The following PIEZO1 variants were observed in gnomAD, a reference collection of about 807,000 sequenced individuals.
The protein encoded by PIEZO1 is piezo type mechanosensitive ion channel component 1 (Er blood group).
A neutral mutation model predicts 297.2 loss-of-function variants in PIEZO1; 296 were observed. The observed-to-expected ratio is 1.00, with a 90% CI of 0.91 to 1.10. The LOEUF is 1.10. PIEZO1 is among the 50% of genes least tolerant of loss of function. PIEZO1 has a pLI of 0.00. For missense variants in PIEZO1, 5,018 were observed against 3,455.5 expected (o/e 1.45, Z -11.34); for synonymous variants, 2,427 against 1,507.5 (o/e 1.61, Z -14.13).
Position 88,737,457 on chromosome 16 carries a change from G to A in PIEZO1, c.1195+102C>T. 9.1e-6 allele frequency: 7 copies of A among 769,644 alleles called. 1 individual carries two copies. In the South Asian group the frequency reaches 1.1e-4, roughly 12 times the overall value. 47.7% of individuals were successfully genotyped at this position (769,644 alleles called of 1,614,324 possible). On this transcript the variant is annotated intron_variant, in intron 10 of 50. Coordinates refer to ENST00000301015, the MANE Select transcript of PIEZO1 (RefSeq NM_001142864.4). Reference sequence around the variant, plus strand: ...CCCCGAGGGGGCGGCAGGCAGAGGTGCGGCGCGAGCATGCGAGAGCGCCAG... The same window carrying A: ...CCCCGAGGGGGCGGCAGGCAGAGGTACGGCGCGAGCATGCGAGAGCGCCAG...
At chr16:88,758,703 T>A (rs576818111) in intron 1 of PIEZO1, among the ~76,000 whole-genome samples, 15 of 152,344 alleles carry the variant, frequency 9.8e-5, no homozygotes, top group Non-Finnish European at 1.6e-4. Context: ...CACTGGGCTC[T>A]GGCCCTGACC....
chr16:88,732,269 G>A, intron 21 of PIEZO1, 66 bp downstream of exon 21: 3 of 1,395,988 alleles, frequency 2.1e-6, no homozygotes, highest in Non-Finnish European at 2.0e-6. Flanking sequence ...TGCCTGCACG[G>A]TGCAGCCGTC....
chr16:88,763,655 G>A (rs1224123894), intron 1 of PIEZO1, among the ~76,000 whole-genome samples: 2 of 152,222 alleles, frequency 1.3e-5, no homozygotes, highest in Non-Finnish European at 2.9e-5. Flanking sequence ...CAGCCGGTAG[G>A]TGCTCCCTGA....
At chr16:88,778,420 C>T (rs1232749033) in intron 1 of PIEZO1, among the ~76,000 whole-genome samples, 2 of 152,220 alleles carry the variant, frequency 1.3e-5, no homozygotes, top group African/African-American at 2.4e-5. Flanking sequence ...GGTAAACAGC[C>T]GGCAGCCAAA....
intron 47 of PIEZO1, 36 bp from the exon 48 acceptor site, chr16:88,716,519 G>T: frequency 1.3e-6 from 2 of 1,537,848 alleles, no homozygotes; most frequent in South Asian, 2.4e-5. Flanking sequence ...CACTGTAGTG[G>T]GTCCACCCAC....
At chr16:88,724,662 C>G (rs573909717) in intron 30 of PIEZO1, among the ~76,000 whole-genome samples, 1 of 152,270 alleles carries the variant, frequency 6.6e-6, no homozygotes, top group South Asian at 2.1e-4. Context: ...CCACTGCACT[C>G]CAGCCTGCAG....
intron 49 of PIEZO1, 24 bp downstream of exon 49, chr16:88,716,174 C>A: frequency 6.6e-7 from 1 of 1,515,482 alleles, no homozygotes; most frequent in South Asian, 1.3e-5. Context: ...TCTAGCCTCC[C>A]CCAACCCCCA....
Position 88,719,580 on chromosome 16 carries a change from T to G in PIEZO1, c.6465A>C (p.Thr2155=). Reference sequence around the variant, plus strand: ...CCGCCCTGGGCCCAGGCACCTTCTCTGTCTCTCGGCTGCATTTGATGATGA... The same window carrying G: ...CCGCCCTGGGCCCAGGCACCTTCTCGGTCTCTCGGCTGCATTTGATGATGA... ...NIFIIKCSRE[T]EKKYPQPKGQ... is the part of the protein sequence containing the mutation. Residue 2155 remains threonine (T), a synonymous_variant, in exon 44 of 51, where the codon ACA becomes ACC. Coordinates refer to ENST00000301015, the MANE Select transcript of PIEZO1 (RefSeq NM_001142864.4). 5 of 1,550,644 alleles carry G rather than the reference T, an allele frequency of 3.2e-6. No individual in the cohort carries two copies. The highest frequency in any genetic ancestry group is 4.4e-6 in the Non-Finnish European group (5 of 1,146,992).
In PIEZO1 at chr16:88,726,951, G is replaced by A; in HGVS notation, c.3463C>T (p.Leu1155Phe). The change falls in exon 25 of 51, where the codon CTT (leucine) becomes TTT (phenylalanine). Residue 1155 changes from leucine (L) to phenylalanine (F), a missense_variant. Coordinates refer to ENST00000301015, the MANE Select transcript of PIEZO1 (RefSeq NM_001142864.4). ...AAGACGGCCACCTTCAGCATGTCAA[G>A]GTAGGACCTGCCAGGCCGGAGCGTC... is the stretch of plus-strand genomic sequence containing the variant. ...VPNFIHCRSYLDMLKVAVFRY... is the reference protein window; with the variant it reads ...VPNFIHCRSYFDMLKVAVFRY... 1.3e-6 allele frequency: 2 copies of A among 1,550,372 alleles called. No homozygotes were observed. Among genetic ancestry groups the A allele is most frequent in the Non-Finnish European group, 1.7e-6 (2 of 1,146,878 alleles).
intron 1 of PIEZO1, among the ~76,000 whole-genome samples, chr16:88,780,283 A>C (rs949489534): frequency 6.6e-5 from 10 of 152,216 alleles, no homozygotes; most frequent in Admixed American, 3.3e-4. Context: ...CCCTCACCCC[A>C]GAGTCCTAAT....
chr16:88,755,675 C>T (rs1051229260), intron 1 of PIEZO1, among the ~76,000 whole-genome samples: 45 of 152,156 alleles, frequency 3.0e-4, no homozygotes, highest in Non-Finnish European at 1.8e-4. Context: ...TTTGCTTATA[C>T]CGCCTTTTCA....
intron 11 of PIEZO1, 66 bp from the exon 12 acceptor site, chr16:88,736,474 G>T (rs1482600257): frequency 1.3e-6 from 1 of 743,904 alleles, no homozygotes. Context: ...CCACACCTGC[G>T]CGGCAGAGGG....
At position 88,723,125 on chromosome 16, in the gene PIEZO1, G is replaced by C. The variant is rs759257427; in HGVS notation, c.4465C>G (p.Pro1489Ala). The change falls in exon 33 of 51, where the codon CCA becomes GCA. Residue 1489 changes from proline (P) to alanine (A), a missense_variant. By Grantham distance (27) the Pro-to-Ala change is conservative. Coordinates refer to ENST00000301015, the MANE Select transcript of PIEZO1 (RefSeq NM_001142864.4). ...GCTGCCTCCTCGGGGCCCTCTGCTG[G>C]CTCCACCTCCTGGCTGGGACCACCT... ...TGGGPSQEVE[P>A]AEGPEEAAAG... 6.5e-7 allele frequency: 1 copy of C among 1,548,852 alleles called. No homozygotes were observed. Among genetic ancestry groups the C allele is most frequent in the Middle Eastern group, 1.7e-4 (1 of 5,980 alleles).
At chr16:88,735,820 G>A (rs967182624) in intron 12 of PIEZO1, among the ~76,000 whole-genome samples, 1 of 152,254 alleles carries the variant, frequency 6.6e-6, no homozygotes. Context: ...AGGGGCGCAG[G>A]GGTGGTGCCT....
intron 1 of PIEZO1, among the ~76,000 whole-genome samples, chr16:88,778,786 G>A (rs1200874616): frequency 6.6e-6 from 1 of 152,156 alleles, no homozygotes; most frequent in Admixed American, 6.5e-5. Context: ...ACACAGAAGG[G>A]CGAGAGGCTC....
rs1567655480 is a variant in PIEZO1 at position 88,715,582 on chromosome 16, C to T, written c.*23G>A. On this transcript the variant is annotated 3_prime_UTR_variant, in exon 51 of 51. Transcript: ENST00000301015. ...GCTGCCCAGCAGGCCGGCTCCTTCC[C>T]TCTCGGGCGCCAGCAGCAGCTCCTA... The T allele has an allele frequency of 1.9e-6, 3 of 1,545,282 alleles. No homozygotes were observed.
intron 1 of PIEZO1, among the ~76,000 whole-genome samples, chr16:88,768,034 AC>A (rs1567692694): frequency 6.6e-6 from 1 of 151,970 alleles, no homozygotes; most frequent in African/African-American, 2.4e-5. Flanking sequence ...CGTGGACCAG[AC>A]CCCTTAAAGC....
rs1362254280 is a variant in PIEZO1, at chr16:88,720,652, G to A, written c.5765C>T (p.Ala1922Val). 1.6e-5 allele frequency: 25 copies of A among 1,545,486 alleles called. No homozygotes were observed. The highest frequency in any genetic ancestry group is 1.7e-4 in the Middle Eastern group (1 of 5,980). ...GAAGCCCTGCAGCCGCCGCCCGGCC[G>A]CCCTTACTCTTCCTCCAGAGCGGCT... ...RPSRSGGRVR[A>V]AGRRLQGFCL... The change falls in exon 40 of 51, where the codon GCG (alanine) becomes GTG (valine). Residue 1922 changes from alanine to valine, a missense_variant. Physicochemically the swap from Ala to Val is moderately conservative, Grantham distance 64 (BLOSUM62 0). Coordinates refer to ENST00000301015, the MANE Select transcript of PIEZO1 (RefSeq NM_001142864.4).
chr16:88,723,808 G>A, intron 31 of PIEZO1, 63 bp downstream of exon 31: 7 of 888,644 alleles, frequency 7.9e-6, no homozygotes, highest in Non-Finnish European at 1.3e-5. Context: ...CCTCTATGCT[G>A]CCCTGGTCCA....
Sources: allele counts gnomAD v4.1 joint callset (sites outside exome capture counted in the v4.1 genomes callset), GRCh38; gene constraint gnomAD v4.1.1; transcripts MANE v1.5; gene names NCBI Gene and HGNC (gene_info 2026-07-23, HGNC 2026-07-21).